Variants in ZNF846 observed in about 807,000 individuals in gnomAD.
ZNF846 encodes zinc finger protein 420 pseudogene.
A neutral mutation model predicts 16.0 loss-of-function variants in ZNF846; 15 were observed. The ratio of observed to expected loss-of-function variants is 0.94; its 90% CI spans 0.63 to 1.45. The LOEUF (loss-of-function observed/expected upper bound fraction) is 1.45. ZNF846 is among the 40% of genes most tolerant of loss of function. ZNF846 has a pLI of 0.00. For synonymous variants in ZNF846, 229 were observed against 212.0 expected (o/e 1.08, Z -0.70); for missense variants, 714 against 622.3 (o/e 1.15, Z -1.57).
upstream of ZNF846, among the ~76,000 whole-genome samples, chr19:9,770,263 G>A (rs1330675992): frequency 8.9e-6 from 1 of 112,840 alleles, no homozygotes; most frequent in Non-Finnish European, 1.9e-5. Context: ...CACCCCCAGA[G>A]TCCAAAGCAA....
At chr19:9,759,572 C>T (rs562782373) in intron 5 of ZNF846, among the ~76,000 whole-genome samples, 7 of 151,674 alleles carry the variant, frequency 4.6e-5, no homozygotes, top group Non-Finnish European at 8.8e-5. Flanking sequence ...CATTGCACAC[C>T]AGCCTGAGCA....
At chr19:9,755,994 C>A (rs186972134), downstream of ZNF846, among the ~76,000 whole-genome samples, 6 of 148,592 alleles carry the variant, frequency 4.0e-5, no homozygotes, top group African/African-American at 1.5e-4. Context: ...GCACCCGCCA[C>A]CATACTTGGC....
At chr19:9,760,874 T>C (rs2045215891) in intron 4 of ZNF846, among the ~76,000 whole-genome samples, 1 of 151,320 alleles carries the variant, frequency 6.6e-6, no homozygotes. Flanking sequence ...ACTTGATGGG[T>C]ATATGGTTTC....
chr19:9,766,404 CT>C, intron 1 of ZNF846, among the ~76,000 whole-genome samples: 1 of 136,748 alleles, frequency 7.3e-6, no homozygotes, highest in Non-Finnish European at 1.5e-5. Flanking sequence ...CAGAGCAAGA[CT>C]CTGTCACAAA....
intron 4 of ZNF846, among the ~76,000 whole-genome samples, chr19:9,760,968 C>T (rs994482161): frequency 2.0e-5 from 3 of 151,256 alleles, no homozygotes; most frequent in African/African-American, 7.4e-5. Flanking sequence ...GAGACGGAGG[C>T]AGGTGGGTCA....
intron 1 of ZNF846, among the ~76,000 whole-genome samples, chr19:9,781,523 G>A (rs924416033): frequency 1.3e-5 from 2 of 151,956 alleles, no homozygotes; most frequent in East Asian, 1.9e-4. Flanking sequence ...TATCACTTGC[G>A]CTGTTTATCT....
At chr19:9,784,685 G>A (rs1416522556) in intron 1 of ZNF846, among the ~76,000 whole-genome samples, 1 of 152,160 alleles carries the variant, frequency 6.6e-6, no homozygotes, top group Non-Finnish European at 1.5e-5. Flanking sequence ...GGCTGTCTCA[G>A]TGGGGGGAAA....
intron 1 of ZNF846, chr19:9,774,544 T>G: frequency 6.9e-7 from 1 of 1,439,940 alleles, no homozygotes; most frequent in Non-Finnish European, 9.8e-7. Context: ...AATCTGCAAA[T>G]GTGGGATGAA....
exon 6 of ZNF846, chr19:9,752,418 GACA>G (rs1274967170): frequency 1.7e-5 from 7 of 404,422 alleles, no homozygotes; most frequent in Middle Eastern, 8.0e-4. Context: ...CACCAGCCTG[GACA>G]ACATGATGAA....
chr19:9,752,327 G>A (rs2045090527), exon 6 of ZNF846: 1 of 193,234 alleles, frequency 5.2e-6, no homozygotes, highest in South Asian at 7.2e-5. Flanking sequence ...GTATTTCAAG[G>A]GCGGGTGTGG....
chr19:9,776,366 T>C (rs999975688), intron 1 of ZNF846, among the ~76,000 whole-genome samples: 1 of 152,220 alleles, frequency 6.6e-6, no homozygotes, highest in Non-Finnish European at 1.5e-5. Context: ...CCTGTACACC[T>C]GGCTCTGCCT....
intron 2 of ZNF846, among the ~76,000 whole-genome samples, chr19:9,764,274 T>C (rs185179733): frequency 1.2e-3 from 181 of 152,342 alleles, no homozygotes; most frequent in African/African-American, 4.3e-3. Flanking sequence ...CTTCACATCC[T>C]GTTTCCATGG....
intron 1 of ZNF846, among the ~76,000 whole-genome samples, chr19:9,780,477 C>A (rs1045489960): frequency 6.6e-6 from 1 of 151,770 alleles, no homozygotes; most frequent in African/African-American, 2.4e-5. Flanking sequence ...TAAGATGGAG[C>A]CTTGCTCTAT....
rs531335273 is a variant in ZNF846 at position 9,761,551 on chromosome 19, A to G, written c.229+531T>C. ...CATAGTGAAATCCCATCTCTACAAA[A>G]ATACAAAAAATTAGTTGGGCGTGGT... On this transcript the variant is annotated intron_variant, in intron 4 of 5. Coordinates refer to ENST00000397902, the Ensembl canonical transcript of ZNF846. Among the ~76,000 whole-genome samples, 3 of 152,106 alleles carry G rather than the reference A, an allele frequency of 2.0e-5. No homozygotes were observed. The East Asian group carries it at 5.8e-4, about 29-fold the overall frequency.
At chr19:9,782,182 C>T (rs928505088) in intron 1 of ZNF846, among the ~76,000 whole-genome samples, 1 of 152,136 alleles carries the variant, frequency 6.6e-6, no homozygotes, top group Non-Finnish European at 1.5e-5. Context: ...AGCTGCCCCA[C>T]CAGGAATGGC....
intron 4 of ZNF846, among the ~76,000 whole-genome samples, chr19:9,760,834 T>G (rs1171389542): frequency 6.6e-6 from 1 of 151,564 alleles, no homozygotes; most frequent in Non-Finnish European, 1.5e-5. Context: ...GAAAGCAAAT[T>G]AGTCTCTGTA....
chr19:9,750,616 C>T (rs950866606), downstream of ZNF846, among the ~76,000 whole-genome samples: 3 of 152,048 alleles, frequency 2.0e-5, no homozygotes, highest in Non-Finnish European at 2.9e-5. Context: ...CAAATGGGAA[C>T]GAACAACTGC....
intron 1 of ZNF846, chr19:9,774,892 C>A: frequency 6.2e-7 from 1 of 1,609,902 alleles, no homozygotes; most frequent in Non-Finnish European, 8.5e-7. Context: ...ACTCTAAGGA[C>A]CGTAAAAAAT....
At chr19:9,771,031 G>A (rs2045385678), upstream of ZNF846, among the ~76,000 whole-genome samples, 3 of 151,880 alleles carry the variant, frequency 2.0e-5, no homozygotes. Context: ...AAGTTCTTTA[G>A]TGGTGATTTC....
Sources: allele counts gnomAD v4.1 joint callset (sites outside exome capture counted in the v4.1 genomes callset), GRCh38; gene constraint gnomAD v4.1.1; transcripts MANE v1.5; gene names NCBI Gene and HGNC (gene_info 2026-07-23, HGNC 2026-07-21).